The following TIMP2 variants were observed in gnomAD, a reference collection of about 807,000 sequenced individuals.
TIMP2 encodes TIMP metallopeptidase inhibitor 2.
In TIMP2, 5 loss-of-function variants were observed where a neutral mutation model predicts 24.3. That is an observed-to-expected ratio of 0.21 (90% CI 0.11 to 0.43). The LOEUF (loss-of-function observed/expected upper bound fraction) is 0.43. TIMP2 is among the 20% of genes least tolerant of loss of function. The pLI, the probability that TIMP2 is intolerant of heterozygous loss-of-function variation, is 1.00. For synonymous variants in TIMP2, 130 were observed against 123.2 expected (o/e 1.06, Z -0.37); for missense variants, 221 against 297.5 (o/e 0.74, Z 1.89).
rs148751740 is a variant in TIMP2 at position 78,916,347 on chromosome 17, G to A, written c.130+8612C>T. 9.5e-4 allele frequency among the ~76,000 whole-genome samples: 145 copies of A among 152,238 alleles called. 1 individual carries two copies. The highest frequency in any genetic ancestry group is 1.4e-3 in the Non-Finnish European group (98 of 68,008). ...TGGCTCCCTTCCCCCTCAATGCTCC[G>A]TTTCCTGTTCCCTCCAAGGCCCCGT... On this transcript the variant is annotated intron_variant, in intron 1 of 4. Coordinates refer to ENST00000262768, the MANE Select transcript of TIMP2 (RefSeq NM_003255.5).
At chr17:78,865,398 G>A (rs2069602941) in intron 3 of TIMP2, among the ~76,000 whole-genome samples, 1 of 152,090 alleles carries the variant, frequency 6.6e-6, no homozygotes, top group Non-Finnish European at 1.5e-5. Context: ...GCCGAGGTGG[G>A]CGGATCACCT....
At position 78,866,743 on chromosome 17, in the gene TIMP2, T is replaced by G. The variant is rs78027352; in HGVS notation, c.340+4155A>C. Reference sequence around the variant, plus strand: ...TGAAATTCTGATACACACTGTAACATGGATGACCCTTGGAAACACGAAAGA... The same window carrying G: ...TGAAATTCTGATACACACTGTAACAGGGATGACCCTTGGAAACACGAAAGA... On this transcript the variant is annotated intron_variant, in intron 3 of 4. Transcript: ENST00000262768. Among the ~76,000 whole-genome samples the G allele has an allele frequency of 2.6e-4, 39 of 152,238 alleles. No homozygotes were observed. In the East Asian group the frequency reaches 6.9e-3, roughly 27 times the overall value.
intron 1 of TIMP2, among the ~76,000 whole-genome samples, chr17:78,888,135 A>C (rs1456262332): frequency 6.6e-6 from 1 of 151,766 alleles, no homozygotes; most frequent in Non-Finnish European, 1.5e-5. Flanking sequence ...CAAGTTCAGC[A>C]GGTATATATC....
chr17:78,870,813 A>C (rs1400996786), intron 3 of TIMP2, 85 bp downstream of exon 3: 9 of 1,196,084 alleles, frequency 7.5e-6, no homozygotes, highest in Non-Finnish European at 8.4e-6. Flanking sequence ...CCACCCCCCG[A>C]GCCTGGGAAA....
chr17:78,891,578 C>G lies in TIMP2; in HGVS notation c.131-17659G>C. The stretch of plus-strand genomic sequence containing the variant: ...GCTGGAATCAGCTGGCCACAGCTGC[C>G]CGAGGTCTCTCAGCTTCCCCTCCAG... On this transcript the variant is annotated intron_variant, in intron 1 of 4. Transcript: ENST00000262768. This position sits in a 1 kb window ranked among gnomAD's most constrained non-coding sequence, Gnocchi z 4.5. 1 of 1,550,900 alleles carries G rather than the reference C, an allele frequency of 6.4e-7. No homozygotes were observed. Among genetic ancestry groups the G allele is most frequent in the South Asian group, 1.2e-5 (1 of 84,066 alleles).
At chr17:78,887,181 G>A (rs1320924949) in intron 1 of TIMP2, among the ~76,000 whole-genome samples, 1 of 152,142 alleles carries the variant, frequency 6.6e-6, no homozygotes, top group African/African-American at 2.4e-5. Flanking sequence ...CACGAGCTTC[G>A]CATTCGCCAG....
intron 1 of TIMP2, among the ~76,000 whole-genome samples, chr17:78,881,741 C>T (rs1303082620): frequency 6.6e-6 from 1 of 152,246 alleles, no homozygotes; most frequent in Non-Finnish European, 1.5e-5. Flanking sequence ...CAGCTTTGTT[C>T]TTTCACTGGG....
intron 1 of TIMP2, chr17:78,890,452 G>A (rs998984385): frequency 2.3e-5 from 14 of 617,178 alleles, no homozygotes; most frequent in Non-Finnish European, 3.2e-5. Flanking sequence ...TCCTGAGGCC[G>A]ACCTCGGCCT....
chr17:78,891,061 T>G lies in TIMP2; in HGVS notation c.131-17142A>C. On this transcript the variant is annotated intron_variant, in intron 1 of 4. Coordinates refer to ENST00000262768, the MANE Select transcript of TIMP2 (RefSeq NM_003255.5). The surrounding 1 kb of genome is among the most constrained non-coding windows in gnomAD (Gnocchi z 4.5). ...GAAGGTGGAGCTGAAGGGAGCCCTCTGCCAGCGTGCCCAGTTTGGGGGTCT... is the reference window on the plus strand; with the variant it reads ...GAAGGTGGAGCTGAAGGGAGCCCTCGGCCAGCGTGCCCAGTTTGGGGGTCT... The G allele has an allele frequency of 1.3e-6, 2 of 1,551,130 alleles. No homozygotes were observed.
rs548187628 is a variant in TIMP2 at position 78,913,855 on chromosome 17, G to A, written c.130+11104C>T. 2.8e-4 allele frequency among the ~76,000 whole-genome samples: 38 copies of A among 135,712 alleles called. No homozygotes were observed. In the South Asian group the frequency reaches 8.3e-3, roughly 30 times the overall value. The allele number at this position is 135,712 out of a possible 152,430, so 89.0% of individuals were successfully genotyped here. ...TGCAGCGAACCAAGATTGCACCACT[G>A]CACTCCAGCCTGGGCCACGGAGCGA... On this transcript the variant is annotated intron_variant, in intron 1 of 4. Transcript: ENST00000262768.
intron 1 of TIMP2, among the ~76,000 whole-genome samples, chr17:78,885,221 G>T (rs577679360): frequency 6.6e-6 from 1 of 152,228 alleles, no homozygotes; most frequent in East Asian, 1.9e-4. Flanking sequence ...AGATGGGGCC[G>T]GAGGACGAAG....
chr17:78,919,963 G>T (rs2070296956), intron 1 of TIMP2, among the ~76,000 whole-genome samples: 1 of 152,164 alleles, frequency 6.6e-6, no homozygotes, highest in African/African-American at 2.4e-5. Context: ...TCCTGCCCCT[G>T]CCACTGCCAC....
At position 78,854,923 on chromosome 17, in the gene TIMP2, G is replaced by A. The variant is rs2069511803; in HGVS notation, c.*744C>T. On this transcript the variant is annotated 3_prime_UTR_variant, in exon 5 of 5. Coordinates refer to ENST00000262768, the MANE Select transcript of TIMP2 (RefSeq NM_003255.5). The stretch of plus-strand genomic sequence containing the variant: ...CTGCAAGCTGGGGAGCATGTGGGCG[G>A]GGGGGGGGGGGTGGGGGGGTGGGTG... 2 of 11,098 alleles carry A rather than the reference G, an allele frequency of 1.8e-4. No homozygotes were observed. Among genetic ancestry groups the A allele is most frequent in the East Asian group, 3.4e-3 (1 of 290 alleles). The allele number at this position is 11,098 out of a possible 1,614,324, so 0.7% of individuals were successfully genotyped here. A position where few individuals can be genotyped will look rare whatever the true frequency, so the allele number is the denominator to read the frequency against.
In TIMP2 at chr17:78,855,486, G is replaced by T; in HGVS notation, c.*181C>A. ...GATGGGATGAGGACCTTGGACCCAC[G>T]TCTCCCTCCAGACCCACAACCATGT... On this transcript the variant is annotated 3_prime_UTR_variant, in exon 5 of 5. Transcript: ENST00000262768. This position sits in a 1 kb window ranked among gnomAD's most constrained non-coding sequence, Gnocchi z 6.0. The T allele has an allele frequency of 1.4e-6, 1 of 727,090 alleles. No homozygotes were observed. The highest frequency in any genetic ancestry group is 2.2e-6 in the Non-Finnish European group (1 of 451,368). 45.0% of individuals were successfully genotyped at this position (727,090 alleles called of 1,614,324 possible).
chr17:78,883,747 C>T (rs1306643479), intron 1 of TIMP2, among the ~76,000 whole-genome samples: 2 of 152,030 alleles, frequency 1.3e-5, no homozygotes, highest in South Asian at 4.1e-4. Context: ...TCTTGGGAAA[C>T]AGCATCTATC....
chr17:78,872,826 C>CTT (rs796085617), intron 2 of TIMP2, among the ~76,000 whole-genome samples: 1 of 147,376 alleles, frequency 6.8e-6, no homozygotes, highest in African/African-American at 2.5e-5. Context: ...TTTTCAGCTA[C>CTT]TTTTTTTTTT....
chr17:78,906,605 CAG>C (rs540039527), intron 1 of TIMP2, among the ~76,000 whole-genome samples: 137 of 151,882 alleles, frequency 9.0e-4, no homozygotes, highest in African/African-American at 3.2e-3. Flanking sequence ...TTTTTTGAGA[CAG>C]AGTCTCGCTC....
intron 1 of TIMP2, among the ~76,000 whole-genome samples, chr17:78,918,207 G>T (rs1359324786): frequency 1.3e-5 from 2 of 152,118 alleles, no homozygotes; most frequent in Non-Finnish European, 2.9e-5. Context: ...TATAAAGACT[G>T]TTCCTCAATT....
chr17:78,901,620 G>A (rs1232457594), intron 1 of TIMP2, among the ~76,000 whole-genome samples: 1 of 152,192 alleles, frequency 6.6e-6, no homozygotes. Flanking sequence ...AGAGTATGGT[G>A]CTTAAGAGTA....
Sources: gnomAD v4.1 joint callset for allele counts (sites outside exome capture counted in the v4.1 genomes callset) on GRCh38, gnomAD v4.1.1 for gene constraint, Gnocchi (gnomAD v3.1) non-coding constraint, MANE v1.5 for transcripts, NCBI Gene and HGNC (gene_info 2026-07-23, HGNC 2026-07-21) for gene names.